The following NDUFAF2 variants were observed in gnomAD, a reference collection of about 807,000 sequenced individuals.
NDUFAF2 encodes the protein NADH dehydrogenase [ubiquinone] 1 alpha subcomplex assembly factor 2.
Under a neutral mutation model 22.8 loss-of-function variants are expected in NDUFAF2, and 13 were observed. The ratio of observed to expected loss-of-function variants is 0.57; its 90% confidence interval spans 0.37 to 0.91. The LOEUF is 0.91. NDUFAF2 is among the 40% of genes least tolerant of loss of function. NDUFAF2 has a pLI of 0.01. For missense variants in NDUFAF2, 162 were observed against 195.2 expected (o/e 0.83, Z 1.01); for synonymous variants, 53 against 64.2 (o/e 0.83, Z 0.84).
chr5:61,115,794 G>T (rs962664729), intron 3 of NDUFAF2: 8 of 152,064 alleles, frequency 5.3e-5, no homozygotes, highest in African/African-American at 1.9e-4. Context: ...GTTTGAAGAG[G>T]AACCTTATTA....
intron 3 of NDUFAF2, among the ~76,000 whole-genome samples, chr5:61,103,504 T>G (rs1752727709): frequency 6.6e-6 from 1 of 152,276 alleles, no homozygotes; most frequent in African/African-American, 2.4e-5. Context: ...AAATTCTGTG[T>G]TTTATTTGTC....
intron 1 of NDUFAF2, among the ~76,000 whole-genome samples, chr5:60,990,426 T>G (rs1180004531): frequency 1.3e-5 from 2 of 152,014 alleles, no homozygotes; most frequent in Non-Finnish European, 2.9e-5. Context: ...TATGTACCCC[T>G]AAAATTAAAA....
intron 2 of NDUFAF2, among the ~76,000 whole-genome samples, chr5:61,095,481 C>T (rs1382272375): frequency 2.0e-5 from 3 of 152,178 alleles, no homozygotes; most frequent in Non-Finnish European, 2.9e-5. Context: ...GTGGGGCCTG[C>T]GGACCATCAC....
chr5:61,022,706 G>A (rs530705196), intron 1 of NDUFAF2, among the ~76,000 whole-genome samples: 21 of 152,228 alleles, frequency 1.4e-4, no homozygotes, highest in African/African-American at 5.1e-4. Flanking sequence ...GTGTAGTGGC[G>A]TGATCTCAGC....
chr5:61,098,859 C>G (rs1752673993), intron 2 of NDUFAF2, 133 bp from the exon 3 acceptor site: 2 of 548,662 alleles, frequency 3.6e-6, no homozygotes, highest in South Asian at 5.5e-5. Context: ...GGGACTTAAT[C>G]TGTTTTATTC....
chr5:61,009,097 A>G (rs1202739129), intron 1 of NDUFAF2, among the ~76,000 whole-genome samples: 1 of 152,064 alleles, frequency 6.6e-6, no homozygotes, highest in African/African-American at 2.4e-5. Context: ...GTGATTTCCT[A>G]CATTTTTTTA....
At chr5:61,097,074 A>G (rs1239859531) in intron 2 of NDUFAF2, among the ~76,000 whole-genome samples, 1 of 152,220 alleles carries the variant, frequency 6.6e-6, no homozygotes, top group Non-Finnish European at 1.5e-5. Context: ...CATGTAAGGG[A>G]TAAGTGCAAG....
intron 1 of NDUFAF2, among the ~76,000 whole-genome samples, chr5:60,988,153 G>A (rs762624587): frequency 3.9e-5 from 6 of 152,174 alleles, no homozygotes; most frequent in East Asian, 1.9e-4. Context: ...GTGAAGAGCC[G>A]TATCAGGAAT....
At chr5:60,953,311 GA>G (rs773196713) in intron 1 of NDUFAF2, among the ~76,000 whole-genome samples, 30 of 152,128 alleles carry the variant, frequency 2.0e-4, no homozygotes, top group Non-Finnish European at 3.7e-4. Context: ...GAAGACAGTG[GA>G]ACAATATCTT....
At chr5:61,111,974 G>T (rs1319402342) in intron 3 of NDUFAF2, among the ~76,000 whole-genome samples, 2 of 151,964 alleles carry the variant, frequency 1.3e-5, no homozygotes, top group African/African-American at 4.8e-5. Context: ...GCCCAGGCTG[G>T]TCTTGAACTC....
intron 1 of NDUFAF2, among the ~76,000 whole-genome samples, chr5:61,062,294 A>G (rs989350563): frequency 6.6e-6 from 1 of 152,196 alleles, no homozygotes. Context: ...GACGGTGCAA[A>G]TAGGCAATTC....
chr5:61,064,559 A>G (rs987146166), intron 1 of NDUFAF2, among the ~76,000 whole-genome samples: 3 of 152,146 alleles, frequency 2.0e-5, no homozygotes, highest in Non-Finnish European at 4.4e-5. Context: ...ATATGAAACT[A>G]TAAATCAGTA....
intron 3 of NDUFAF2, among the ~76,000 whole-genome samples, chr5:61,111,898 G>A (rs537230661): frequency 9.3e-4 from 142 of 151,874 alleles, no homozygotes; most frequent in African/African-American, 3.3e-3. Flanking sequence ...GATTACAGGT[G>A]TGAGCCACCG....
At chr5:60,948,874 C>T (rs1015297387) in intron 1 of NDUFAF2, among the ~76,000 whole-genome samples, 1 of 152,106 alleles carries the variant, frequency 6.6e-6, no homozygotes. Flanking sequence ...AAGAAACTGC[C>T]TAAGTGGTGG....
intron 1 of NDUFAF2, among the ~76,000 whole-genome samples, chr5:61,063,688 A>C (rs1430830129): frequency 6.6e-6 from 1 of 152,182 alleles, no homozygotes; most frequent in Non-Finnish European, 1.5e-5. Context: ...ATAACCATAA[A>C]ATATGTTATT....
chr5:60,974,894 C>T (rs1256637253), intron 1 of NDUFAF2, among the ~76,000 whole-genome samples: 1 of 152,084 alleles, frequency 6.6e-6, no homozygotes, highest in East Asian at 1.9e-4. Flanking sequence ...TGGCTCATTG[C>T]AACTTCCTCC....
Position 61,098,920 on chromosome 5 carries a change from A to G in NDUFAF2, c.218-72A>G, listed in dbSNP as rs1263497011. 6.2e-6 allele frequency: 8 copies of G among 1,290,814 alleles called. No homozygotes were observed. The East Asian group carries it at 1.9e-4, about 30-fold the overall frequency. 80.0% of individuals were successfully genotyped at this position (1,290,814 alleles called of 1,614,324 possible). Reference sequence around the variant, plus strand: ...TAATATGGAGTAGGTACTCAAAAAAATTTGTTTTATGGATAAAAATGTTTG... The same window carrying G: ...TAATATGGAGTAGGTACTCAAAAAAGTTTGTTTTATGGATAAAAATGTTTG... On this transcript the variant is annotated intron_variant, in intron 2 of 3. Transcript: ENST00000296597.
intron 3 of NDUFAF2, among the ~76,000 whole-genome samples, chr5:61,149,308 A>T (rs1381642693): frequency 6.6e-6 from 1 of 152,156 alleles, no homozygotes; most frequent in African/African-American, 2.4e-5. Context: ...TCACCTTGTA[A>T]TACATAACTA....
chr5:60,962,803 A>G lies in NDUFAF2; in HGVS notation c.127+17421A>G, dbSNP rs145276129. The stretch of plus-strand genomic sequence containing the variant: ...AGCCAAGATCACACCGCTGCACTCC[A>G]GCCAAGTGACAGAGTGAGACTGCAT... On this transcript the variant is annotated intron_variant, in intron 1 of 3. Coordinates refer to ENST00000296597, the MANE Select transcript of NDUFAF2 (RefSeq NM_174889.5). Among the ~76,000 whole-genome samples the G allele has an allele frequency of 5.6e-3, 856 of 151,612 alleles. 9 individuals carry two copies. The highest frequency in any genetic ancestry group is 0.017 in the Middle Eastern group (5 of 292).
Sources: allele counts gnomAD v4.1 joint callset (sites outside exome capture counted in the v4.1 genomes callset), GRCh38; gene constraint gnomAD v4.1.1; transcripts MANE v1.5; gene names NCBI Gene and HGNC (gene_info 2026-07-23, HGNC 2026-07-21).